SIK2: variants seen among roughly 807,000 people sequenced by gnomAD.
SIK2 encodes serine/threonine-protein kinase SIK2.
SIK2 carries 29 observed loss-of-function variants against 103.2 expected under a neutral mutation model. The observed-to-expected ratio is 0.28, with a 90% confidence interval of 0.21 to 0.38. SIK2 has a LOEUF of 0.38. Among genes scored for constraint, SIK2 ranks in the 10% least tolerant of loss-of-function variants. The pLI is 1.00. For missense variants in SIK2, 879 were observed against 1,171.0 expected, an observed-to-expected ratio of 0.75 and a Z score of 3.64; for synonymous variants, 412 against 446.1, an observed-to-expected ratio of 0.92 and a Z score of 0.96.
chr11:111,704,059 G>T (rs1341028254), intron 7 of SIK2, among the ~76,000 whole-genome samples: 1 of 152,208 alleles, frequency 6.6e-6, no homozygotes. Flanking sequence ...TAACAAGAAA[G>T]AATATCAAAT....
Position 111,701,158 on chromosome 11 carries a change from T to C in SIK2, c.603+148T>C, listed in dbSNP as rs1327263522. The C allele has an allele frequency of 1.8e-6, 2 of 1,140,096 alleles. No individual in the cohort carries two copies. Among genetic ancestry groups the C allele is most frequent in the Admixed American group, 3.1e-5 (1 of 31,904 alleles). 70.6% of individuals were successfully genotyped at this position (1,140,096 alleles called of 1,614,324 possible). On this transcript the variant is annotated intron_variant, in intron 5 of 14. Transcript: ENST00000304987. This position sits in a 1 kb window ranked among gnomAD's most constrained non-coding sequence, Gnocchi z 4.2. Reference sequence around the variant, plus strand: ...TGGACTATAATTACTCAGAGCATCTTGAAATGGATCCCTAGGAAAGAATTT... The same window carrying C: ...TGGACTATAATTACTCAGAGCATCTCGAAATGGATCCCTAGGAAAGAATTT...
intron 3 of SIK2, among the ~76,000 whole-genome samples, chr11:111,681,252 G>A (rs1204054660): frequency 1.3e-5 from 2 of 152,198 alleles, no homozygotes; most frequent in Non-Finnish European, 2.9e-5. Flanking sequence ...AATTGTATAT[G>A]TGCATGTGTA....
At chr11:111,716,137 G>T (rs1252280992) in intron 9 of SIK2, among the ~76,000 whole-genome samples, 3 of 152,154 alleles carry the variant, frequency 2.0e-5, no homozygotes, top group Non-Finnish European at 2.9e-5. Flanking sequence ...GTAATAAAAG[G>T]ATTTTCCGAA....
In SIK2 at chr11:111,665,677, T is replaced by A. The variant is rs891012394; in HGVS notation, c.317-22324T>A. On this transcript the variant is annotated intron_variant, in intron 3 of 14. Coordinates refer to ENST00000304987, the MANE Select transcript of SIK2 (RefSeq NM_015191.3). ...CATCTATACTAAAAATACAAAAAAA[T>A]TAGCGGGATGTGGTGGCACATGCCT... is the stretch of plus-strand genomic sequence containing the variant. Among the ~76,000 whole-genome samples, 7 of 151,710 alleles carry A rather than the reference T, an allele frequency of 4.6e-5. No individual in the cohort carries two copies. The South Asian group carries it at 8.3e-4, about 18-fold the overall frequency.
chr11:111,660,997 C>T (rs1829793545), intron 3 of SIK2, among the ~76,000 whole-genome samples: 1 of 151,950 alleles, frequency 6.6e-6, no homozygotes, highest in African/African-American at 2.4e-5. Flanking sequence ...CCGTACCCAG[C>T]TGAGCTGTGT....
rs1944161266 is a variant in SIK2 at position 111,730,681 on chromosome 11, AAAATC to A, written c.*6556_*6560del. On this transcript the variant is annotated 3_prime_UTR_variant, in exon 15 of 15. Transcript: ENST00000304987. ...TCATAATAGCTCCAATGTGAAAAAA[AAAATC>A]AAAAGTATAACTTGTCACTTAATGT... The A allele has an allele frequency of 6.6e-6, 1 of 152,202 alleles. No homozygotes were observed. Among genetic ancestry groups the A allele is most frequent in the Non-Finnish European group, 1.5e-5 (1 of 68,044 alleles). 9.4% of individuals were successfully genotyped at this position (152,202 alleles called of 1,614,324 possible).
intron 1 of SIK2, among the ~76,000 whole-genome samples, chr11:111,608,270 T>A (rs1041961800): frequency 2.0e-5 from 3 of 152,290 alleles, no homozygotes; most frequent in Admixed American, 6.5e-5. Flanking sequence ...TTTAAAAAAA[T>A]TTTTAAATAC....
chr11:111,673,484 T>G (rs935550490), intron 3 of SIK2, among the ~76,000 whole-genome samples: 1 of 152,204 alleles, frequency 6.6e-6, no homozygotes, highest in Non-Finnish European at 1.5e-5. Flanking sequence ...AAACTGGAGC[T>G]GTTTACCTTT....
At chr11:111,611,240 C>A (rs1941722201) in intron 1 of SIK2, among the ~76,000 whole-genome samples, 1 of 36,584 alleles carries the variant, frequency 2.7e-5, no homozygotes, top group Non-Finnish European at 6.9e-5. Flanking sequence ...CAGAGTGAGA[C>A]CCTGTCTCAA....
intron 1 of SIK2, among the ~76,000 whole-genome samples, chr11:111,610,103 T>C (rs1321901662): frequency 1.3e-5 from 2 of 152,250 alleles, no homozygotes; most frequent in Non-Finnish European, 2.9e-5. Context: ...TCTGTGGATT[T>C]ATAGAACCCA....
At chr11:111,630,022 A>G (rs533947393) in intron 3 of SIK2, among the ~76,000 whole-genome samples, 189 of 152,328 alleles carry the variant, frequency 1.2e-3, no homozygotes, top group Non-Finnish European at 2.2e-3. Context: ...GAAGAATGCA[A>G]ATTTTTATAG....
Position 111,688,261 on chromosome 11 carries a change from C to T in SIK2, c.478+99C>T, listed in dbSNP as rs890631720. The T allele has an allele frequency of 3.7e-5, 44 of 1,197,786 alleles. 1 individual carries two copies. The South Asian group carries it at 5.2e-4, about 14-fold the overall frequency. 74.2% of individuals were successfully genotyped at this position (1,197,786 alleles called of 1,614,324 possible). On this transcript the variant is annotated intron_variant, in intron 4 of 14. Coordinates refer to ENST00000304987, the MANE Select transcript of SIK2 (RefSeq NM_015191.3). This position sits in a 1 kb window ranked among gnomAD's most constrained non-coding sequence, Gnocchi z 4.2. ...AGGCGCAGATTCAGCAGCATTTCTA[C>T]CTGATGACATCAGGCTATCTCAAAG... is the stretch of plus-strand genomic sequence containing the variant.
chr11:111,695,516 C>T (rs147509265), intron 4 of SIK2, among the ~76,000 whole-genome samples: 1 of 152,160 alleles, frequency 6.6e-6, no homozygotes, highest in Non-Finnish European at 1.5e-5. Flanking sequence ...TCTTTTGCAA[C>T]AGTAAACATT....
chr11:111,630,135 A>C (rs1409786423), intron 3 of SIK2, among the ~76,000 whole-genome samples: 1 of 152,220 alleles, frequency 6.6e-6, no homozygotes, highest in Non-Finnish European at 1.5e-5. Context: ...AAGGCAGATG[A>C]TTCAAAAAGG....
chr11:111,612,785 T>C (rs1941744101), intron 1 of SIK2, among the ~76,000 whole-genome samples: 1 of 151,928 alleles, frequency 6.6e-6, no homozygotes, highest in Non-Finnish European at 1.5e-5. Flanking sequence ...AATCATAAGT[T>C]TTGGGGTGTA....
intron 3 of SIK2, among the ~76,000 whole-genome samples, chr11:111,640,968 T>C (rs1942175486): frequency 6.6e-6 from 1 of 152,088 alleles, no homozygotes; most frequent in Non-Finnish European, 1.5e-5. Context: ...AATATAGTAT[T>C]TGTAGGCATA....
intron 3 of SIK2, among the ~76,000 whole-genome samples, chr11:111,635,365 AAAGAG>A (rs1475546799): frequency 4.0e-5 from 6 of 150,170 alleles, no homozygotes; most frequent in Non-Finnish European, 7.4e-5. Context: ...GAGAAAGAGA[AAAGAG>A]AAGAGAAGGG....
intron 3 of SIK2, 63 bp from the exon 4 acceptor site, chr11:111,687,938 G>C: frequency 6.4e-7 from 1 of 1,565,018 alleles, no homozygotes; most frequent in Non-Finnish European, 8.7e-7. Flanking sequence ...AAAATTTCCT[G>C]ACTACTAATA....
chr11:111,636,376 A>G (rs1942109036), intron 3 of SIK2, among the ~76,000 whole-genome samples: 1 of 152,210 alleles, frequency 6.6e-6, no homozygotes, highest in African/African-American at 2.4e-5. Flanking sequence ...CACTTTTGTA[A>G]AAGTATTCTT....
Sources: allele counts gnomAD v4.1 joint callset (sites outside exome capture counted in the v4.1 genomes callset), GRCh38; gene constraint gnomAD v4.1.1; non-coding constraint Gnocchi (gnomAD v3.1); transcripts MANE v1.5; gene names NCBI Gene and HGNC (gene_info 2026-07-23, HGNC 2026-07-21).